TTN: variants seen among roughly 807,000 people sequenced by gnomAD.
TTN encodes the protein connectin.
A neutral mutation model predicts 3,223.0 loss-of-function variants in TTN; 1,525 were observed. That is an observed-to-expected ratio of 0.47 (90% CI 0.45 to 0.49). TTN has a LOEUF of 0.49. Among genes scored for constraint, TTN ranks in the 20% least tolerant of loss-of-function variants. The probability of loss-of-function intolerance (pLI) is 0.00; values close to 1 mark genes in which losing one functional copy is unlikely to be tolerated. For missense variants in TTN, 40,786 were observed against 43,424.0 expected, an observed-to-expected ratio of 0.94 and a Z score of 5.40; for synonymous variants, 14,094 against 15,161.0, an observed-to-expected ratio of 0.93 and a Z score of 5.17.
Position 178,555,132 on chromosome 2 carries a change from G to A in TTN, c.88327C>T (p.Pro29443Ser), listed in dbSNP as rs1700863075. Residue 29443 changes from proline (P) to serine (S), a missense_variant, in exon 331 of 363, where the codon CCT (proline) becomes TCT (serine). Pro to Ser is a moderately conservative substitution (Grantham distance 74, BLOSUM62 -1). Transcript: ENST00000589042. ...DSYGGPVIDL[P>S]LEYTEVVKYR... is the part of the protein sequence containing the mutation. ...TTGACAACTTCTGTATATTCTAGAGGCAAATCAATTACAGGACCACCTGCA... is the reference window on the plus strand; with the variant it reads ...TTGACAACTTCTGTATATTCTAGAGACAAATCAATTACAGGACCACCTGCA... 1 of 1,609,702 alleles carries A rather than the reference G, an allele frequency of 6.2e-7. No homozygotes were observed. The highest frequency in any genetic ancestry group is 8.5e-7 in the Non-Finnish European group (1 of 1,178,916).
At chr2:178,699,018 A>G in intron 111 of TTN, 104 bp from the exon 112 acceptor site, 3 of 1,193,198 alleles carry the variant, frequency 2.5e-6, no homozygotes, top group South Asian at 1.6e-5. Context: ...TTATTTTTCC[A>G]TATGTTGATA....
At chr2:178,684,624 A>G in intron 131 of TTN, 42 bp downstream of exon 131, 1 of 1,572,506 alleles carries the variant, frequency 6.4e-7, no homozygotes, top group Non-Finnish European at 8.7e-7. Context: ...AAGAAAGACA[A>G]GCCATATGTT....
Position 178,580,431 on chromosome 2 carries a change from G to A in TTN, c.66948C>T (p.Asp22316=), listed in dbSNP as rs775649360. ...TCACATTTTCACAGCGCAAGAAAGTGTCAAAGTCAGTTGACTTTATGTCCA... is the reference window on the plus strand; with the variant it reads ...TCACATTTTCACAGCGCAAGAAAGTATCAAAGTCAGTTGACTTTATGTCCA... The part of the protein sequence containing the change: ...IGLDIKSTDF[D]TFLRCENVNK... The change falls in exon 317 of 363, where the codon GAC becomes GAT. Residue 22316 remains aspartate, a synonymous_variant. Coordinates refer to ENST00000589042, the MANE Select transcript of TTN (RefSeq NM_001267550.2). 4 of 1,613,240 alleles carry A rather than the reference G, an allele frequency of 2.5e-6. No individual in the cohort carries two copies. Among genetic ancestry groups the A allele is most frequent in the Non-Finnish European group, 8.5e-7 (1 of 1,179,484 alleles).
chr2:178,632,939 C>A lies in TTN; in HGVS notation c.43192G>T (p.Ala14398Ser). The change falls in exon 234 of 363, where the codon GCA becomes TCA. Residue 14398 changes from alanine to serine, a missense_variant. Coordinates refer to ENST00000589042, the MANE Select transcript of TTN (RefSeq NM_001267550.2). ...VSFQAANAKS[A>S]ANLKVKELPL... ...ATACCTTTCACTTTCAGATTGGCTG[C>A]AGATTTGGCATTAGCAGCCTGGAAG... 6.2e-7 allele frequency: 1 copy of A among 1,612,756 alleles called. No individual in the cohort carries two copies. Among genetic ancestry groups the A allele is most frequent in the East Asian group, 2.2e-5 (1 of 44,790 alleles).
chr2:178,776,234 T>A lies in TTN; in HGVS notation c.5630A>T (p.Asn1877Ile), dbSNP rs1554006798. 2.5e-6 allele frequency: 4 copies of A among 1,614,186 alleles called. No homozygotes were observed. The East Asian group carries it at 8.9e-5, about 36-fold the overall frequency. The change falls in exon 28 of 363, where the codon AAT (asparagine) becomes ATT (isoleucine). Residue 1877 changes from asparagine (N) to isoleucine (I), a missense_variant. By Grantham distance (149) the Asn-to-Ile change is moderately radical. Coordinates refer to ENST00000589042, the MANE Select transcript of TTN (RefSeq NM_001267550.2). ...YPQPKVNWYLNGQLIRKSKRF... is the reference protein window; with the variant it reads ...YPQPKVNWYLIGQLIRKSKRF... ...TTTGCTTTTGCGGATGAGCTGTCCA[T>A]TGAGGTACCAGTTGACTTTGGGCTG...
intron 92 of TTN, 39 bp from the exon 93 acceptor site, chr2:178,713,411 A>AACAAG (rs1199750117): frequency 6.8e-7 from 1 of 1,466,118 alleles, no homozygotes; most frequent in Non-Finnish European, 9.0e-7. Context: ...AACAAAACAA[A>AACAAG]AAAAACAAAG....
Position 178,707,593 on chromosome 2 carries a change from T to TC in TTN, c.28973dup (p.Asp9659ArgfsTer5). 1 of 1,613,882 alleles carries TC rather than the reference T, an allele frequency of 6.2e-7. No individual in the cohort carries two copies. The highest frequency in any genetic ancestry group is 8.5e-7 in the Non-Finnish European group (1 of 1,179,824). On this transcript the variant is annotated frameshift_variant, in exon 100 of 363. Coordinates refer to ENST00000589042, the MANE Select transcript of TTN (RefSeq NM_001267550.2). LOFTEE classifies it high-confidence loss of function. Reference sequence around the variant, plus strand: ...CATTTGAAGCTTTACACACATAATCTCCCGAATCTGCTTTAGCCACATCTC... The same window carrying TC: ...CATTTGAAGCTTTACACACATAATCTCCCCGAATCTGCTTTAGCCACATCTC...
intron 151 of TTN, 146 bp downstream of exon 151, chr2:178,674,168 T>C: frequency 3.3e-6 from 2 of 599,214 alleles, no homozygotes; most frequent in East Asian, 2.9e-5. Flanking sequence ...AAAGGACACA[T>C]AGATTCAGGT....
chr2:178,682,594 C>A, intron 135 of TTN, 103 bp downstream of exon 135: 3 of 1,152,438 alleles, frequency 2.6e-6, no homozygotes, highest in Non-Finnish European at 2.4e-6. Context: ...TTCCAAATTT[C>A]TTTGGGTATC....
intron 135 of TTN, among the ~76,000 whole-genome samples, chr2:178,682,204 C>T (rs748171377): frequency 1.9e-4 from 29 of 152,084 alleles, no homozygotes; most frequent in African/African-American, 6.7e-4. Flanking sequence ...AACACAACAG[C>T]TTGTGTTAGC....
intron 47 of TTN, chr2:178,749,856 T>C: frequency 6.2e-7 from 1 of 1,613,134 alleles, no homozygotes; most frequent in Admixed American, 1.7e-5. Flanking sequence ...TCACCAGATA[T>C]TAAACATTCA....
rs1283124918 is a variant in TTN at position 178,762,802 on chromosome 2, A to G, written c.10114+1375T>C. Among the ~76,000 whole-genome samples the G allele has an allele frequency of 6.6e-5, 10 of 152,378 alleles. No individual in the cohort carries two copies. The South Asian group carries it at 1.2e-3, about 19-fold the overall frequency. ...TACAATACTAAACATTGATGTTTAT[A>G]TAATTCCTCTCTATGGCTATAATAA... is the stretch of plus-strand genomic sequence containing the variant. On this transcript the variant is annotated intron_variant, in intron 43 of 362. Coordinates refer to ENST00000589042, the MANE Select transcript of TTN (RefSeq NM_001267550.2).
In TTN at chr2:178,565,803, C is replaced by T; in HGVS notation, c.80329G>A (p.Ala26777Thr). The T allele has an allele frequency of 1.2e-6, 2 of 1,613,644 alleles. No homozygotes were observed. The highest frequency in any genetic ancestry group is 8.5e-7 in the Non-Finnish European group (1 of 1,179,660). ...CCTGGTGGGGAAGGAGGTTCAGCAG[C>T]TTTCACGGCATCAACAGTTTCCACT... ...VPVETVDAVK[A>T]AEPPSPPGKV... is the part of the protein sequence containing the mutation. The change falls in exon 326 of 363, where the codon GCT becomes ACT. Residue 26777 changes from alanine (A) to threonine (T), a missense_variant. Physicochemically the swap from Ala to Thr is moderately conservative, Grantham distance 58 (BLOSUM62 0). Transcript: ENST00000589042.
Position 178,629,370 on chromosome 2 carries a change from G to A in TTN, c.44355C>T (p.Cys14785=), listed in dbSNP as rs754335854. 26 of 1,612,940 alleles carry A rather than the reference G, an allele frequency of 1.6e-5. No homozygotes were observed. Among genetic ancestry groups the A allele is most frequent in the Non-Finnish European group, 2.1e-5 (25 of 1,179,324 alleles). ...CTGGGATATCTTCGTAGGAGAGCTC[G>A]CAGTCGAAGGTGGCTGTTTCCCCTG... is the stretch of plus-strand genomic sequence containing the variant. ...VTAGETATFD[C]ELSYEDIPVE... is the part of the protein sequence containing the mutation. Residue 14785 remains cysteine (C), a synonymous_variant, in exon 240 of 363, where the codon TGC becomes TGT. Transcript: ENST00000589042.
chr2:178,608,013 G>C lies in TTN; in HGVS notation c.52774C>G (p.Pro17592Ala), dbSNP rs541127460. 6.2e-7 allele frequency: 1 copy of C among 1,612,732 alleles called. No individual in the cohort carries two copies. Residue 17592 changes from proline (P) to alanine (A), a missense_variant, in exon 276 of 363, where the codon CCC becomes GCC. By Grantham distance (27) the Pro-to-Ala change is conservative (BLOSUM62 -1). Transcript: ENST00000589042. ...SSTTIELEWE[P>A]PAFNGGGEIV... ...TCCCCACCACCATTGAAAGCTGGGG[G>C]TTCCCATTCTAGTTCAATAGTTGTA...
intron 265 of TTN, 44 bp downstream of exon 265, chr2:178,612,729 A>G: frequency 6.4e-7 from 1 of 1,571,456 alleles, no homozygotes; most frequent in Non-Finnish European, 8.6e-7. Flanking sequence ...TCACAGGCAG[A>G]TATTAGAAGA....
chr2:178,554,963 A>C lies in TTN; in HGVS notation c.88496T>G (p.Leu29499Arg), dbSNP rs72648234. 253 of 1,613,630 alleles carry C rather than the reference A, an allele frequency of 1.6e-4. No homozygotes were observed. Among genetic ancestry groups the C allele is most frequent in the Non-Finnish European group, 2.0e-4 (240 of 1,179,824 alleles). The change falls in exon 331 of 363, where the codon CTC (leucine) becomes CGC (arginine). Residue 29499 changes from leucine (L) to arginine (R), a missense_variant. Physicochemically the swap from Leu to Arg is moderately radical, Grantham distance 102 (BLOSUM62 -2). Coordinates refer to ENST00000589042, the MANE Select transcript of TTN (RefSeq NM_001267550.2). ...VENTTDLASI[L>R]IKDADRLNSG... ...ATTAAGGCGATCGGCATCTTTGATGAGTATAGATGCGAGGTCCGTGGTATT... is the reference window on the plus strand; with the variant it reads ...ATTAAGGCGATCGGCATCTTTGATGCGTATAGATGCGAGGTCCGTGGTATT...
rs756808591 is a variant in TTN, at chr2:178,694,956, TTCTC to T, written c.31271-54_31271-51del. ...AGTACTTTTAGAATTCCTATTAAAA[TTCTC>T]TCTCTCTCTATCTCTCTCTCTCTGT... On this transcript the variant is annotated intron_variant, in intron 115 of 362. Coordinates refer to ENST00000589042, the MANE Select transcript of TTN (RefSeq NM_001267550.2). The T allele has an allele frequency of 7.7e-5, 104 of 1,344,042 alleles. No individual in the cohort carries two copies. In the Middle Eastern group the frequency reaches 1.1e-3, roughly 15 times the overall value. 83.3% of individuals were successfully genotyped at this position (1,344,042 alleles called of 1,614,324 possible). A position where few individuals can be genotyped will look rare whatever the true frequency, so the allele number is the denominator to read the frequency against.
rs558927011 is a variant in TTN at position 178,543,139 on chromosome 2, C to G, written c.96834G>C (p.Arg32278Ser). Reference protein sequence around the residue: ...NEGEQYLFRIRAQNEKGVSEP... With the variant: ...NEGEQYLFRISAQNEKGVSEP... ...CTGACACACCTTTCTCATTTTGTGC[C>G]CTTATTCTAAATAAGTATTGTTCAC... Residue 32278 changes from arginine (R) to serine (S), a missense_variant, in exon 347 of 363, where the codon AGG becomes AGC. Arg to Ser is a moderately radical substitution (Grantham distance 110). Transcript: ENST00000589042. The G allele has an allele frequency of 6.2e-7, 1 of 1,612,128 alleles. No individual in the cohort carries two copies.
Sources: allele counts gnomAD v4.1 joint callset (sites outside exome capture counted in the v4.1 genomes callset), GRCh38; gene constraint gnomAD v4.1.1; transcripts MANE v1.5; gene names NCBI Gene and HGNC (gene_info 2026-07-23, HGNC 2026-07-21).